LIG1: variants seen among roughly 807,000 people sequenced by gnomAD.
LIG1 encodes DNA ligase 1.
Under a neutral mutation model 115.7 loss-of-function variants are expected in LIG1, and 70 were observed. The ratio of observed to expected loss-of-function variants is 0.60; its 90% CI spans 0.50 to 0.74. LIG1 has a LOEUF of 0.74. Ranked by LOEUF, LIG1 falls within the 30% of genes least tolerant of loss-of-function variation. The pLI, the probability that LIG1 is intolerant of heterozygous loss-of-function variation, is 0.00. For synonymous variants in LIG1, 487 were observed against 495.3 expected, an observed-to-expected ratio of 0.98 and a Z score of 0.22; for missense variants, 1,115 against 1,225.6, an observed-to-expected ratio of 0.91 and a Z score of 1.35.
chr19:48,152,816 G>T lies in LIG1; in HGVS notation c.466+1056C>A, dbSNP rs143311178. ...CAAAAATCAACATAGAACAGGAAAT[G>T]ACGTTGGCAGTTTTCAATTGAATTC... On this transcript the variant is annotated intron_variant, in intron 6 of 27. Transcript: ENST00000263274. Among the ~76,000 whole-genome samples, 5 of 152,328 alleles carry T rather than the reference G, an allele frequency of 3.3e-5. No individual in the cohort carries two copies. In the East Asian group the frequency reaches 9.6e-4, roughly 29 times the overall value.
intron 11 of LIG1, among the ~76,000 whole-genome samples, chr19:48,141,910 C>T (rs1308038120): frequency 1.3e-5 from 2 of 152,158 alleles, no homozygotes; most frequent in African/African-American, 4.8e-5. Context: ...CACAACATGA[C>T]CTCATTTGGA....
At chr19:48,143,513 C>A in intron 11 of LIG1, 30 bp downstream of exon 11, 2 of 535,566 alleles carry the variant, frequency 3.7e-6, no homozygotes, top group South Asian at 2.9e-5. Flanking sequence ...AGCGACCCCG[C>A]CCCCCACCCA....
intron 18 of LIG1, among the ~76,000 whole-genome samples, chr19:48,132,428 G>A (rs1189297409): frequency 1.3e-5 from 2 of 152,048 alleles, no homozygotes; most frequent in African/African-American, 4.8e-5. Context: ...CACGTTTCAT[G>A]AGCTCCCACT....
intron 18 of LIG1, among the ~76,000 whole-genome samples, chr19:48,132,611 G>A (rs1256660174): frequency 6.6e-6 from 1 of 151,742 alleles, no homozygotes; most frequent in African/African-American, 2.4e-5. Context: ...CCAACATGGT[G>A]AAACCTCGTC....
At chr19:48,154,021 T>A (rs746596914) in intron 5 of LIG1, 54 bp from the exon 6 acceptor site, 6 of 1,459,204 alleles carry the variant, frequency 4.1e-6, no homozygotes, top group Middle Eastern at 1.7e-4. Context: ...TGTGCTCCCA[T>A]CCCGGAGAGC....
intron 27 of LIG1, 34 bp from the exon 28 acceptor site, chr19:48,115,766 G>C (rs758935614): frequency 6.3e-7 from 1 of 1,591,680 alleles, no homozygotes; most frequent in African/African-American, 1.3e-5. Flanking sequence ...GTGGTCAGAA[G>C]CTCCCTGGCT....
intron 14 of LIG1, 21 bp downstream of exon 14, chr19:48,136,987 C>T (rs371198590): frequency 1.1e-5 from 17 of 1,600,110 alleles, no homozygotes; most frequent in Non-Finnish European, 1.5e-5. Context: ...CCTCTGTAGC[C>T]TCACAGGCCC....
chr19:48,118,955 G>A (rs1307170456), intron 25 of LIG1, among the ~76,000 whole-genome samples, 182 bp downstream of exon 25: 2 of 152,144 alleles, frequency 1.3e-5, no homozygotes, highest in Non-Finnish European at 2.9e-5. Flanking sequence ...GCTAGTAGCC[G>A]GCAGTGCTGA....
intron 5 of LIG1, chr19:48,154,538 T>A: frequency 5.4e-6 from 1 of 186,622 alleles, no homozygotes; most frequent in Non-Finnish European, 1.1e-5. Context: ...CAGCACATCC[T>A]GTGTTGGCTG....
At chr19:48,166,038 G>C (rs2036463232) in intron 1 of LIG1, among the ~76,000 whole-genome samples, 1 of 152,212 alleles carries the variant, frequency 6.6e-6, no homozygotes, top group Non-Finnish European at 1.5e-5. Flanking sequence ...AGTTTCTAAG[G>C]TATGCTGTTA....
chr19:48,161,704 T>TCACCCACC (rs2036186563), intron 3 of LIG1, among the ~76,000 whole-genome samples, 197 bp from the exon 4 acceptor site: 2 of 151,960 alleles, frequency 1.3e-5, no homozygotes, highest in Non-Finnish European at 2.9e-5. Flanking sequence ...ACTCATCCAC[T>TCACCCACC]CACCCACCCA....
chr19:48,118,424 G>A (rs776466951), intron 25 of LIG1: 3 of 159,494 alleles, frequency 1.9e-5, no homozygotes, highest in Non-Finnish European at 4.1e-5. Context: ...TCTCTTGCCT[G>A]GCGCCATGTA....
chr19:48,153,328 A>G (rs1220626144), intron 6 of LIG1, among the ~76,000 whole-genome samples: 1 of 152,126 alleles, frequency 6.6e-6, no homozygotes, highest in Non-Finnish European at 1.5e-5. Flanking sequence ...AAAATTACTA[A>G]GACATCAAGG....
Position 48,123,278 on chromosome 19 carries a change from A to C in LIG1, c.2045T>G (p.Leu682Arg). Residue 682 changes from leucine (L) to arginine (R), a missense_variant, in exon 22 of 28, where the codon CTC becomes CGC. Leu to Arg is a moderately radical substitution (Grantham distance 102). Coordinates refer to ENST00000263274, the MANE Select transcript of LIG1 (RefSeq NM_000234.3). Reference sequence around the variant, plus strand: ...CTCTGTCTCCACAAAGTTCTCCCGGAGCAGCTGCCGGCGCCGGGAAAGGGG... The same window carrying C: ...CTCTGTCTCCACAAAGTTCTCCCGGCGCAGCTGCCGGCGCCGGGAAAGGGG... ...REPLSRRRQL[L>R]RENFVETEGE... 6.2e-7 allele frequency: 1 copy of C among 1,614,040 alleles called. No homozygotes were observed. Among genetic ancestry groups the C allele is most frequent in the Non-Finnish European group, 8.5e-7 (1 of 1,180,026 alleles).
chr19:48,144,003 G>A (rs1257071171), intron 9 of LIG1, 40 bp from the exon 10 acceptor site: 1 of 1,477,232 alleles, frequency 6.8e-7, no homozygotes. Context: ...ATAGAGCCCT[G>A]GGTCAAAGCA....
chr19:48,154,750 C>T (rs763949672), intron 5 of LIG1, among the ~76,000 whole-genome samples: 2 of 152,216 alleles, frequency 1.3e-5, no homozygotes, highest in South Asian at 4.1e-4. Flanking sequence ...ACCTGGTCCC[C>T]GGTCTCCCGG....
intron 4 of LIG1, among the ~76,000 whole-genome samples, chr19:48,158,464 C>A (rs572377304): frequency 6.6e-6 from 1 of 152,356 alleles, no homozygotes; most frequent in Non-Finnish European, 1.5e-5. Context: ...CCACTGCTAC[C>A]GTGTCTCGGT....
intron 12 of LIG1, among the ~76,000 whole-genome samples, chr19:48,139,169 C>A (rs2034579530): frequency 6.6e-6 from 1 of 152,192 alleles, no homozygotes; most frequent in African/African-American, 2.4e-5. Context: ...AGCCTCAGAC[C>A]CGTTTCCAAA....
At chr19:48,149,699 C>G in intron 9 of LIG1, 64 bp downstream of exon 9, 1 of 1,291,268 alleles carries the variant, frequency 7.7e-7, no homozygotes, top group Non-Finnish European at 1.1e-6. Context: ...GGGGGTGGGG[C>G]TGTCGGAATG....
Sources: gnomAD v4.1 joint callset for allele counts (sites outside exome capture counted in the v4.1 genomes callset) on GRCh38, gnomAD v4.1.1 for gene constraint, MANE v1.5 for transcripts, NCBI Gene and HGNC (gene_info 2026-07-23, HGNC 2026-07-21) for gene names.